The following KLK4 variants were observed in gnomAD, a reference collection of about 807,000 sequenced individuals.
KLK4 encodes kallikrein-4.
In KLK4, 24 loss-of-function variants were observed where a neutral mutation model predicts 24.3. The ratio of observed to expected loss-of-function variants is 0.99; its 90% CI spans 0.72 to 1.39. The LOEUF (loss-of-function observed/expected upper bound fraction) is 1.39, where lower values mean the gene tolerates loss of function less well. KLK4 is among the 40% of genes most tolerant of loss of function. KLK4 has a pLI of 0.00. For synonymous variants in KLK4, 142 were observed against 138.8 expected (o/e 1.02, Z -0.16); for missense variants, 344 against 327.4 (o/e 1.05, Z -0.39).
chr19:50,909,849 G>T (rs971521476), intron 2 of KLK4, among the ~76,000 whole-genome samples: 2 of 152,020 alleles, frequency 1.3e-5, no homozygotes, highest in African/African-American at 4.8e-5. Flanking sequence ...ATGGGGGTGG[G>T]CTGAGAAGGC....
intron 2 of KLK4, among the ~76,000 whole-genome samples, chr19:50,909,679 C>G (rs994499313): frequency 2.7e-5 from 4 of 150,760 alleles, no homozygotes; most frequent in Non-Finnish European, 5.9e-5. Context: ...GGGGGCGGAC[C>G]CAGGGCTCCT....
chr19:50,909,665 C>A (rs1600048693), intron 2 of KLK4, among the ~76,000 whole-genome samples: 2 of 146,428 alleles, frequency 1.4e-5, no homozygotes, highest in South Asian at 4.4e-4. Flanking sequence ...TGGGGGCGGG[C>A]CCAGGGGGCG....
rs997143491 is a variant in KLK4, at chr19:50,910,877, C to G, written c.-11-128G>C. On this transcript the variant is annotated intron_variant, in intron 1 of 5. Coordinates refer to ENST00000324041, the Ensembl canonical transcript of KLK4. This position sits in a 1 kb window ranked among gnomAD's most constrained non-coding sequence, Gnocchi z 4.4. ...GGTAGGCAAGAGCCTAGACCATCTA[C>G]CCCCTCTCCCATCCATGGACCCAGA... The G allele has an allele frequency of 3.9e-6, 3 of 764,574 alleles. No individual in the cohort carries two copies. The highest frequency in any genetic ancestry group is 3.0e-5 in the South Asian group (2 of 67,476). The allele number at this position is 764,574 out of a possible 1,614,324, so 47.4% of individuals were successfully genotyped here.
Position 50,906,957 on chromosome 19 carries a change from C to A in KLK4, c.742G>T (p.Glu248Ter). ...AGTTAACTGGCCTGGACGGTTTTCT[C>A]TATCCACTCAGTGAATTTGCAGAGG... Residue 248 changes from glutamate (E) to a stop codon, truncating the protein, a stop_gained, in exon 6 of 6, where the codon GAG becomes TAG. Transcript: ENST00000324041. LOFTEE classifies it high-confidence loss of function. 1 of 1,614,182 alleles carries A rather than the reference C, an allele frequency of 6.2e-7. No homozygotes were observed. The highest frequency in any genetic ancestry group is 8.5e-7 in the Non-Finnish European group (1 of 1,180,030).
chr19:50,909,687 C>G (rs1424327347), intron 2 of KLK4, among the ~76,000 whole-genome samples: 1 of 151,434 alleles, frequency 6.6e-6, no homozygotes, highest in Non-Finnish European at 1.5e-5. Flanking sequence ...ACCCAGGGCT[C>G]CTGGGGGTGG....
At chr19:50,908,659 A>T in exon 4 of KLK4, 1 of 1,614,176 alleles carries the variant, frequency 6.2e-7, no homozygotes, top group East Asian at 2.2e-5. Flanking sequence ...GATGCTCCGG[A>T]TGGTGTCAGA....
chr19:50,907,879 T>G, intron 5 of KLK4: 1 of 242,950 alleles, frequency 4.1e-6, no homozygotes, highest in Non-Finnish European at 8.1e-6. Flanking sequence ...TTTAGGAGAG[T>G]TGCAACAATT....
intron 2 of KLK4, among the ~76,000 whole-genome samples, chr19:50,909,924 T>C (rs1600049068): frequency 2.0e-5 from 3 of 151,366 alleles, no homozygotes; most frequent in East Asian, 4.0e-4. Flanking sequence ...AAGAGCTGGG[T>C]TATGGCTAGA....
chr19:50,906,778 G>A, exon 6 of KLK4: 1 of 848,066 alleles, frequency 1.2e-6, no homozygotes, highest in Non-Finnish European at 2.0e-6. Flanking sequence ...GTCTGAGGGA[G>A]GAGGGGCTGG....
intron 2 of KLK4, 88 bp from the exon 3 acceptor site, chr19:50,909,502 A>G (rs1366312138): frequency 3.7e-6 from 5 of 1,359,002 alleles, no homozygotes; most frequent in Admixed American, 1.8e-5. Context: ...GCGTGGTCAG[A>G]GGTTCAGGAG....
rs760407312 is a variant in KLK4, at chr19:50,908,506, G to A, written c.476-11C>T. 1.2e-6 allele frequency: 2 copies of A among 1,614,078 alleles called. No individual in the cohort carries two copies. Among genetic ancestry groups the A allele is most frequent in the Non-Finnish European group, 1.7e-6 (2 of 1,180,048 alleles). On this transcript the variant is annotated splice_polypyrimidine_tract_variant and intron_variant, in intron 4 of 5. Coordinates refer to ENST00000324041, the Ensembl canonical transcript of KLK4. ...CGGTAGGCATTCTGCCTGGGACGCA[G>A]AGCTCTGGGTCAGCCCCCGCGACTG...
chr19:50,908,086 C>G (rs2090449302), intron 5 of KLK4: 5 of 529,344 alleles, frequency 9.4e-6, no homozygotes, highest in Non-Finnish European at 1.7e-5. Flanking sequence ...GGGTGGAGGT[C>G]ACCGCCCTCA....
chr19:50,910,249 C>T lies in KLK4; in HGVS notation c.61+429G>A, dbSNP rs1289047514. ...ACACCAAGCCACAAGCCCATGCACA[C>T]CAAAACACCGTTTTATAGTCCTGTG... On this transcript the variant is annotated intron_variant, in intron 2 of 5. Transcript: ENST00000324041. The surrounding 1 kb of genome is among the most constrained non-coding windows in gnomAD (Gnocchi z 4.4). Among the ~76,000 whole-genome samples the T allele has an allele frequency of 6.6e-6, 1 of 152,074 alleles. No homozygotes were observed. Among genetic ancestry groups the T allele is most frequent in the Admixed American group, 6.5e-5 (1 of 15,274 alleles).
At chr19:50,909,474 T>A (rs753393732) in intron 2 of KLK4, 60 bp from the exon 3 acceptor site, 3 of 1,565,238 alleles carry the variant, frequency 1.9e-6, no homozygotes, top group African/African-American at 1.4e-5. Flanking sequence ...TTCCTGGGGG[T>A]GGGCTTACCG....
Position 50,910,746 on chromosome 19 carries a change from G to A in KLK4, c.-8C>T. ...ATTTCCTGCTGTGGCCATCACGTCA[G>A]CACCTGGGGATGAGGACTGAGACTT... On this transcript the variant is annotated 5_prime_UTR_variant, in exon 2 of 6. Transcript: ENST00000324041. This position sits in a 1 kb window ranked among gnomAD's most constrained non-coding sequence, Gnocchi z 4.4. 4 of 1,552,298 alleles carry A rather than the reference G, an allele frequency of 2.6e-6. No homozygotes were observed. The highest frequency in any genetic ancestry group is 3.5e-6 in the Non-Finnish European group (4 of 1,147,216).
In KLK4 at chr19:50,910,747, C is replaced by T. The variant is rs1242873565; in HGVS notation, c.-9G>A. The T allele has an allele frequency of 1.2e-5, 19 of 1,552,126 alleles. No homozygotes were observed. Among genetic ancestry groups the T allele is most frequent in the Non-Finnish European group, 1.6e-5 (18 of 1,147,198 alleles). On this transcript the variant is annotated splice_region_variant and 5_prime_UTR_variant, in exon 2 of 6. Transcript: ENST00000324041. This position sits in a 1 kb window ranked among gnomAD's most constrained non-coding sequence, Gnocchi z 4.4. ...TTTCCTGCTGTGGCCATCACGTCAG[C>T]ACCTGGGGATGAGGACTGAGACTTA... is the stretch of plus-strand genomic sequence containing the variant.
At chr19:50,907,044 C>A in exon 6 of KLK4, 3 of 1,614,128 alleles carry the variant, frequency 1.9e-6, no homozygotes, top group Non-Finnish European at 2.5e-6. Flanking sequence ...GACACAAGGC[C>A]CTGCAAGTAC....
chr19:50,909,302 G>T (rs748693081), exon 3 of KLK4: 7 of 1,614,092 alleles, frequency 4.3e-6, no homozygotes, highest in Non-Finnish European at 5.9e-6. Flanking sequence ...GCACCAGGAC[G>T]CCCGAGCAGA....
Position 50,910,609 on chromosome 19 carries a change from T to G in KLK4, c.61+69A>C. The G allele has an allele frequency of 7.1e-7, 1 of 1,414,318 alleles. No individual in the cohort carries two copies. 87.6% of individuals were successfully genotyped at this position (1,414,318 alleles called of 1,614,324 possible). On this transcript the variant is annotated intron_variant, in intron 2 of 5. Transcript: ENST00000324041. The surrounding 1 kb of genome is among the most constrained non-coding windows in gnomAD (Gnocchi z 4.4). ...CAGTCACAAGCAAGAGGACACTGAG[T>G]CACACCTGAACATTAACAAACACTG...
Sources: gnomAD v4.1 joint callset for allele counts (sites outside exome capture counted in the v4.1 genomes callset) on GRCh38, gnomAD v4.1.1 for gene constraint, Gnocchi (gnomAD v3.1) non-coding constraint, MANE v1.5 for transcripts, NCBI Gene and HGNC (gene_info 2026-07-23, HGNC 2026-07-21) for gene names.